Variants in KCNQ5 observed in about 807,000 individuals in gnomAD.
KCNQ5 encodes potassium voltage-gated channel subfamily KQT member 5.
In KCNQ5, 30 loss-of-function variants were observed where a neutral mutation model predicts 98.2. The observed-to-expected ratio is 0.31, with a 90% CI of 0.23 to 0.41. The LOEUF (loss-of-function observed/expected upper bound fraction) is 0.41, where lower values mean the gene tolerates loss of function less well. KCNQ5 is among the 10% of genes least tolerant of loss of function. The pLI is 1.00. For missense variants in KCNQ5, 835 were observed against 1,182.5 expected, an observed-to-expected ratio of 0.71 and a Z score of 4.31; for synonymous variants, 458 against 449.4, an observed-to-expected ratio of 1.02 and a Z score of -0.24.
intron 1 of KCNQ5, among the ~76,000 whole-genome samples, chr6:72,633,151 T>C (rs2098922001): frequency 6.6e-6 from 1 of 152,180 alleles, no homozygotes; most frequent in African/African-American, 2.4e-5. Flanking sequence ...TATCTCATTG[T>C]GGTTTTGATT....
chr6:72,883,772 C>T (rs976662427), intron 1 of KCNQ5, among the ~76,000 whole-genome samples: 4 of 152,148 alleles, frequency 2.6e-5, no homozygotes, highest in Admixed American at 1.3e-4. Flanking sequence ...GGAGACCAGG[C>T]GGCCACCTGG....
At chr6:72,948,839 C>G (rs1766666027) in intron 1 of KCNQ5, among the ~76,000 whole-genome samples, 1 of 152,058 alleles carries the variant, frequency 6.6e-6, no homozygotes, top group Admixed American at 6.5e-5. Context: ...ATATTATCTC[C>G]TTGAAATTTC....
intron 5 of KCNQ5, among the ~76,000 whole-genome samples, chr6:73,101,137 T>C (rs1774755889): frequency 6.6e-6 from 1 of 152,226 alleles, no homozygotes; most frequent in African/African-American, 2.4e-5. Context: ...ACTCATTCTA[T>C]GAGGCCAGTG....
chr6:72,654,674 A>C (rs1766053650), intron 1 of KCNQ5, among the ~76,000 whole-genome samples: 1 of 152,076 alleles, frequency 6.6e-6, no homozygotes, highest in Non-Finnish European at 1.5e-5. Context: ...AATCACTTTT[A>C]TATAAATTGA....
intron 1 of KCNQ5, among the ~76,000 whole-genome samples, chr6:72,995,521 T>A (rs1331699842): frequency 2.0e-5 from 3 of 152,182 alleles, no homozygotes; most frequent in Admixed American, 2.0e-4. Flanking sequence ...AGATAAAATG[T>A]CTTGATTTCA....
intron 3 of KCNQ5, among the ~76,000 whole-genome samples, chr6:73,056,763 TA>T (rs201031713): frequency 0.016 from 2,448 of 151,894 alleles, 61 homozygotes; most frequent in African/African-American, 0.055. Flanking sequence ...TGATGTGCAA[TA>T]AAAAAAAGAA....
At chr6:72,988,802 C>T (rs1387683041) in intron 1 of KCNQ5, among the ~76,000 whole-genome samples, 2 of 100,180 alleles carry the variant, frequency 2.0e-5, no homozygotes, top group Non-Finnish European at 4.0e-5. Context: ...CTATCCCTCC[C>T]CCCTCCCCCG....
intron 1 of KCNQ5, among the ~76,000 whole-genome samples, chr6:72,748,802 T>C (rs1305138614): frequency 6.6e-6 from 1 of 152,160 alleles, no homozygotes; most frequent in Non-Finnish European, 1.5e-5. Context: ...AAGTGGGAAA[T>C]GTTTTGGGAG....
intron 1 of KCNQ5, among the ~76,000 whole-genome samples, chr6:72,687,033 TTAG>T (rs1767993917): frequency 6.6e-6 from 1 of 152,174 alleles, no homozygotes; most frequent in Non-Finnish European, 1.5e-5. Flanking sequence ...TAAATATATT[TTAG>T]GACAGTTCTT....
intron 1 of KCNQ5, among the ~76,000 whole-genome samples, chr6:72,638,326 G>C (rs2098925354): frequency 6.6e-6 from 1 of 152,084 alleles, no homozygotes; most frequent in South Asian, 2.1e-4. Context: ...TCTAGTATTG[G>C]ACTTGATGAG....
intron 1 of KCNQ5, among the ~76,000 whole-genome samples, chr6:72,920,307 G>A (rs1338531764): frequency 2.0e-5 from 3 of 152,006 alleles, no homozygotes; most frequent in African/African-American, 7.2e-5. Flanking sequence ...AAGGGGGGAG[G>A]GGGATTCTGC....
At chr6:73,015,444 G>T (rs2150334123) in intron 2 of KCNQ5, among the ~76,000 whole-genome samples, 1 of 152,202 alleles carries the variant, frequency 6.6e-6, no homozygotes, top group South Asian at 2.1e-4. Flanking sequence ...TTAGAGGAAA[G>T]AATTTTTGAA....
chr6:72,939,799 C>G (rs972169320), intron 1 of KCNQ5, among the ~76,000 whole-genome samples: 2 of 152,160 alleles, frequency 1.3e-5, no homozygotes, highest in Non-Finnish European at 2.9e-5. Context: ...TGGTATTTGG[C>G]CCCTGGCTGC....
At chr6:72,924,265 G>C (rs1332079945) in intron 1 of KCNQ5, among the ~76,000 whole-genome samples, 1 of 152,044 alleles carries the variant, frequency 6.6e-6, no homozygotes, top group Non-Finnish European at 1.5e-5. Context: ...AGTTTTTTGA[G>C]ATTGAAGAAC....
intron 1 of KCNQ5, among the ~76,000 whole-genome samples, chr6:72,982,347 G>T (rs6927438): frequency 6.6e-6 from 1 of 151,932 alleles, no homozygotes; most frequent in African/African-American, 2.4e-5. Flanking sequence ...CCTGTATTGG[G>T]TACATATATA....
chr6:73,115,046 G>T (rs189665423), intron 7 of KCNQ5, among the ~76,000 whole-genome samples: 2 of 151,974 alleles, frequency 1.3e-5, no homozygotes, highest in Non-Finnish European at 2.9e-5. Context: ...ACTCATGCCC[G>T]TAATCCCAGC....
intron 1 of KCNQ5, among the ~76,000 whole-genome samples, chr6:72,997,268 G>A (rs9446811): frequency 0.087 from 13,257 of 152,000 alleles, 1,112 homozygotes; most frequent in African/African-American, 0.22. Flanking sequence ...CTGTCTACGC[G>A]GAGTCCACTG....
At chr6:73,116,120 A>G (rs529454828) in intron 7 of KCNQ5, among the ~76,000 whole-genome samples, 1 of 152,304 alleles carries the variant, frequency 6.6e-6, no homozygotes, top group East Asian at 1.9e-4. Flanking sequence ...AAAAAAACCA[A>G]AAACTTGTAT....
chr6:72,915,587 A>G (rs1163727927), intron 1 of KCNQ5, among the ~76,000 whole-genome samples: 1 of 152,152 alleles, frequency 6.6e-6, no homozygotes, highest in African/African-American at 2.4e-5. Context: ...AGAAAATGTT[A>G]TTTTTAATGA....
Sources: allele counts gnomAD v4.1 joint callset (sites outside exome capture counted in the v4.1 genomes callset), GRCh38; gene constraint gnomAD v4.1.1; transcripts MANE v1.5; gene names NCBI Gene and HGNC (gene_info 2026-07-23, HGNC 2026-07-21).